Variants in RO60 observed in about 807,000 individuals in gnomAD.
RO60 encodes the protein Ro60, Y RNA binding protein, also known as RNA-binding protein RO60.
In RO60, 20 loss-of-function variants were observed where a neutral mutation model predicts 55.3. The ratio of observed to expected loss-of-function variants is 0.36; its 90% CI spans 0.25 to 0.53. RO60 has a LOEUF of 0.53. Ranked by LOEUF, RO60 falls within the 20% of genes least tolerant of loss-of-function variation. The probability of loss-of-function intolerance (pLI) is 0.92; values close to 1 mark genes in which losing one functional copy is unlikely to be tolerated. For missense variants in RO60, 558 were observed against 646.6 expected, an observed-to-expected ratio of 0.86 and a Z score of 1.49; for synonymous variants, 213 against 213.6, an observed-to-expected ratio of 1.00 and a Z score of 0.02.
chr1:193,076,604 C>A lies in RO60; in HGVS notation c.905C>A (p.Ser302Tyr), dbSNP rs191227109. 2.0e-3 allele frequency: 3,293 copies of A among 1,608,998 alleles called. 5 individuals carry two copies. The highest frequency in any genetic ancestry group is 2.4e-3 in the Non-Finnish European group (2,883 of 1,178,008). ...CTTGAACCAGGAAATTCAGAAGTATCTTTAGTATGTGAAAAACTGTGTAAT... is the reference window on the plus strand; with the variant it reads ...CTTGAACCAGGAAATTCAGAAGTATATTTAGTATGTGAAAAACTGTGTAAT... ...SVLEPGNSEVSLVCEKLCNEK... is the reference protein window; with the variant it reads ...SVLEPGNSEVYLVCEKLCNEK... Residue 302 changes from serine to tyrosine, a missense_variant, in exon 4 of 9, where the codon TCT becomes TAT. Physicochemically the swap from Ser to Tyr is moderately radical, Grantham distance 144. Transcript: ENST00000400968.
At chr1:193,071,367 T>TA (rs776653534) in intron 2 of RO60, among the ~76,000 whole-genome samples, 2 of 152,242 alleles carry the variant, frequency 1.3e-5, no homozygotes, top group Non-Finnish European at 2.9e-5. Flanking sequence ...TAAATTTTGT[T>TA]ACATGCCTTC....
chr1:193,084,976 T>TC lies in RO60; in HGVS notation c.*245_*246insC. The TC allele has an allele frequency of 1.3e-6, 2 of 1,545,018 alleles. No homozygotes were observed. Among genetic ancestry groups the TC allele is most frequent in the South Asian group, 2.4e-5 (2 of 83,662 alleles). The stretch of plus-strand genomic sequence containing the variant: ...TAGTTTCCTCTATCTAATAGAGAAC[T>TC]TTTTGTTAACAGACACTGTAAAATA... On this transcript the variant is annotated 3_prime_UTR_variant, in exon 9 of 9. Coordinates refer to ENST00000400968, the MANE Select transcript of RO60 (RefSeq NM_001173524.2).
At chr1:193,071,870 A>G (rs1459288029) in intron 2 of RO60, among the ~76,000 whole-genome samples, 3 of 149,050 alleles carry the variant, frequency 2.0e-5, no homozygotes, top group Admixed American at 6.7e-5. Context: ...ATGTATGTAT[A>G]TATAATATAT....
intron 5 of RO60, among the ~76,000 whole-genome samples, chr1:193,080,035 G>T (rs1004047376): frequency 1.1e-4 from 17 of 151,828 alleles, no homozygotes; most frequent in African/African-American, 3.9e-4. Flanking sequence ...TGAGGTTGAG[G>T]CAGGAGAATC....
At position 193,090,365 on chromosome 1, in the gene RO60, G is replaced by T. The variant is rs2103092031; in HGVS notation, c.*5634G>T. 1 of 151,602 alleles carries T rather than the reference G, an allele frequency of 6.6e-6. No homozygotes were observed. The highest frequency in any genetic ancestry group is 2.4e-5 in the African/African-American group (1 of 41,340). The allele number at this position is 151,602 out of a possible 1,614,324, so 9.4% of individuals were successfully genotyped here. A position where few individuals can be genotyped will look rare whatever the true frequency, so the allele number is the denominator to read the frequency against. On this transcript the variant is annotated 3_prime_UTR_variant, in exon 9 of 9. Transcript: ENST00000400968. ...GTAAACTATATATAATCCATACGTA[G>T]CCAAATTAGATTTAAAATATACAAT...
intron 2 of RO60, among the ~76,000 whole-genome samples, chr1:193,073,418 A>T (rs933286723): frequency 2.6e-5 from 4 of 152,208 alleles, no homozygotes; most frequent in African/African-American, 9.7e-5. Context: ...CATTATCTTT[A>T]AAAATCGACA....
intron 6 of RO60, 38 bp from the exon 7 acceptor site, chr1:193,082,148 C>T (rs569822628): frequency 8.0e-7 from 1 of 1,254,542 alleles, no homozygotes; most frequent in East Asian, 2.3e-5. Context: ...GTATTTCCCC[C>T]CAAATTTGCT....
intron 1 of RO60, among the ~76,000 whole-genome samples, chr1:193,063,224 G>A (rs1456826850): frequency 1.3e-5 from 2 of 152,174 alleles, no homozygotes; most frequent in Non-Finnish European, 2.9e-5. Context: ...CCTAGTGGAT[G>A]TGAAGTGGTA....
rs1445013247 is a variant in RO60, at chr1:193,085,544, A to C, written c.*813A>C. On this transcript the variant is annotated 3_prime_UTR_variant, in exon 9 of 9. Coordinates refer to ENST00000400968, the MANE Select transcript of RO60 (RefSeq NM_001173524.2). ...ATAACATAGCCAGATGTAGTCTCAC[A>C]CTGTTTTTCATACTCTTAAGTGTAA... is the stretch of plus-strand genomic sequence containing the variant. 5 of 984,612 alleles carry C rather than the reference A, an allele frequency of 5.1e-6. No individual in the cohort carries two copies. The highest frequency in any genetic ancestry group is 1.8e-5 in the African/African-American group (1 of 57,140). 61.0% of individuals were successfully genotyped at this position (984,612 alleles called of 1,614,324 possible). A position where few individuals can be genotyped will look rare whatever the true frequency, so the allele number is the denominator to read the frequency against.
chr1:193,064,249 T>TCC (rs1192314394), intron 1 of RO60, among the ~76,000 whole-genome samples: 1 of 152,246 alleles, frequency 6.6e-6, no homozygotes, highest in East Asian at 1.9e-4. Flanking sequence ...TCTCAAGTCC[T>TCC]CCTCCTTTCA....
rs1673313756 is a variant in RO60, at chr1:193,069,175, T to A, written c.121T>A (p.Ser41Thr). The A allele has an allele frequency of 6.2e-7, 1 of 1,614,134 alleles. No individual in the cohort carries two copies. The highest frequency in any genetic ancestry group is 1.3e-5 in the African/African-American group (1 of 74,944). ...ACTACACCGGTTCTTATGTTTCGGT[T>A]CTGAAGGTGGGACTTATTATATCAA... Reference protein sequence around the residue: ...NRLHRFLCFGSEGGTYYIKEQ... With the variant: ...NRLHRFLCFGTEGGTYYIKEQ... Residue 41 changes from serine (S) to threonine (T), a missense_variant, in exon 2 of 9, where the codon TCT (serine) becomes ACT (threonine). Ser to Thr is a moderately conservative substitution (Grantham distance 58). Coordinates refer to ENST00000400968, the MANE Select transcript of RO60 (RefSeq NM_001173524.2).
chr1:193,067,446 A>G (rs749824240), intron 1 of RO60, among the ~76,000 whole-genome samples: 2 of 151,896 alleles, frequency 1.3e-5, no homozygotes, highest in Non-Finnish European at 1.5e-5. Context: ...CGGCCTCCCA[A>G]AGTGCTGGGA....
intron 2 of RO60, 73 bp from the exon 3 acceptor site, chr1:193,075,747 A>C: frequency 8.8e-7 from 1 of 1,131,636 alleles, no homozygotes. Flanking sequence ...CATATAATGC[A>C]TTTTGAGGAA....
At chr1:193,076,876 G>A (rs1403582938) in intron 4 of RO60, 37 bp from the exon 5 acceptor site, 4 of 1,588,344 alleles carry the variant, frequency 2.5e-6, no homozygotes, top group Non-Finnish European at 3.4e-6. Flanking sequence ...CATAATCACT[G>A]TTTTTTGCTA....
chr1:193,086,544 A>ATT lies in RO60; in HGVS notation c.*1814_*1815insTT, dbSNP rs1402589673. The stretch of plus-strand genomic sequence containing the variant: ...TTGAATTTAAAGTTTAAAGAAACTA[A>ATT]TAGAATTACGTAATAGTTATTGAAT... On this transcript the variant is annotated 3_prime_UTR_variant, in exon 9 of 9. Transcript: ENST00000400968. 6 of 152,310 alleles carry ATT rather than the reference A, an allele frequency of 3.9e-5. No individual in the cohort carries two copies. The highest frequency in any genetic ancestry group is 1.4e-4 in the African/African-American group (6 of 41,578). The allele number at this position is 152,310 out of a possible 1,614,324, so 9.4% of individuals were successfully genotyped here. A position where few individuals can be genotyped will look rare whatever the true frequency, so the allele number is the denominator to read the frequency against.
chr1:193,060,357 A>G (rs1255462967), intron 1 of RO60: 2 of 254,492 alleles, frequency 7.9e-6, no homozygotes, highest in African/African-American at 4.5e-5. Flanking sequence ...GTTAAACCAA[A>G]TATTTACTAA....
At chr1:193,061,579 C>T (rs1206782882) in intron 1 of RO60, among the ~76,000 whole-genome samples, 1 of 152,226 alleles carries the variant, frequency 6.6e-6, no homozygotes, top group Admixed American at 6.5e-5. Flanking sequence ...GATTGTGAAA[C>T]AAGTGCTATT....
intron 5 of RO60, among the ~76,000 whole-genome samples, chr1:193,080,818 A>G (rs987950857): frequency 6.6e-6 from 1 of 152,214 alleles, no homozygotes; most frequent in African/African-American, 2.4e-5. Context: ...AGGAAAATTT[A>G]TAGAGACAGA....
At chr1:193,063,471 G>T (rs1672916803) in intron 1 of RO60, among the ~76,000 whole-genome samples, 1 of 152,014 alleles carries the variant, frequency 6.6e-6, no homozygotes, top group African/African-American at 2.4e-5. Flanking sequence ...GTCACTTATT[G>T]TATGTATGAT....
Sources: allele counts gnomAD v4.1 joint callset (sites outside exome capture counted in the v4.1 genomes callset), GRCh38; gene constraint gnomAD v4.1.1; transcripts MANE v1.5; gene names NCBI Gene and HGNC (gene_info 2026-07-23, HGNC 2026-07-21).